CCR4: variants seen among roughly 807,000 people sequenced by gnomAD.
CCR4 encodes C-C chemokine receptor type 4.
A neutral mutation model predicts 17.1 loss-of-function variants in CCR4; 9 were observed. The observed-to-expected ratio is 0.53, with a 90% CI of 0.32 to 0.92. The LOEUF (loss-of-function observed/expected upper bound fraction) is 0.92, where lower values mean the gene tolerates loss of function less well. CCR4 is among the 40% of genes least tolerant of loss of function. CCR4 has a pLI of 0.04. For synonymous variants in CCR4, 217 were observed against 174.3 expected (o/e 1.24, Z -1.93); for missense variants, 385 against 433.9 (o/e 0.89, Z 1.00).
rs550174867 is a variant in CCR4 at position 32,955,611 on chromosome 3, T to G, written c.*1106T>G. The G allele has an allele frequency of 6.1e-5, 9 of 147,698 alleles. No homozygotes were observed. The East Asian group carries it at 1.3e-3, about 21-fold the overall frequency. The allele number at this position is 147,698 out of a possible 1,614,324, so 9.1% of individuals were successfully genotyped here. ...ATTTGAGGTCATTTACTTGTTTTTT[T>G]TTTTTTTTTTTTTTTTGAGATGGAA... On this transcript the variant is annotated 3_prime_UTR_variant, in exon 2 of 2. Transcript: ENST00000330953.
Position 32,953,387 on chromosome 3 carries a change from C to T in CCR4, c.-36C>T, listed in dbSNP as rs1697699999. On this transcript the variant is annotated 5_prime_UTR_variant, in exon 2 of 2. Transcript: ENST00000330953. ...CCCTCATTAGCTGCTTCTGGTTGGG[C>T]CCAGACCTGCCTTGAGGAGCCTGTA... The T allele has an allele frequency of 1.3e-6, 2 of 1,554,706 alleles. No individual in the cohort carries two copies. Among genetic ancestry groups the T allele is most frequent in the Non-Finnish European group, 1.7e-6 (2 of 1,155,210 alleles).
In CCR4 at chr3:32,954,512, G is replaced by A. The variant is rs1243731041; in HGVS notation, c.*7G>A. 2 of 1,513,824 alleles carry A rather than the reference G, an allele frequency of 1.3e-6. No individual in the cohort carries two copies. The highest frequency in any genetic ancestry group is 1.8e-6 in the Non-Finnish European group (2 of 1,133,920). 93.8% of individuals were successfully genotyped at this position (1,513,824 alleles called of 1,614,324 possible). On this transcript the variant is annotated 3_prime_UTR_variant, in exon 2 of 2. Coordinates refer to ENST00000330953, the MANE Select transcript of CCR4 (RefSeq NM_005508.5). Reference sequence around the variant, plus strand: ...TCTCCATGATGCTCTGTAGAAAAATGAAATGGTGAAATGCAGAGTCAATGA... The same window carrying A: ...TCTCCATGATGCTCTGTAGAAAAATAAAATGGTGAAATGCAGAGTCAATGA...
chr3:32,954,133 G>A lies in CCR4; in HGVS notation c.711G>A (p.Lys237=), dbSNP rs773249231. 6.2e-7 allele frequency: 1 copy of A among 1,614,010 alleles called. No individual in the cohort carries two copies. The highest frequency in any genetic ancestry group is 1.3e-5 in the African/African-American group (1 of 74,900). The change falls in exon 2 of 2, where the codon AAG becomes AAA. Residue 237 remains lysine, a synonymous_variant. Transcript: ENST00000330953. ...TGCAGCATTGTAAAAATGAGAAGAA[G>A]AACAAGGCGGTGAAGATGATCTTTG... ...RTLQHCKNEK[K]NKAVKMIFAV... is the part of the protein sequence containing the mutation.
rs1347194508 is a variant in CCR4 at position 32,953,987 on chromosome 3, A to T, written c.565A>T (p.Thr189Ser). Residue 189 changes from threonine to serine, a missense_variant, in exon 2 of 2, where the codon ACC becomes TCC. Transcript: ENST00000330953. ...TGAGCGCAACCATACCTACTGCAAA[A>T]CCAAGTACTCTCTCAACTCCACGAC... Reference protein sequence around the residue: ...YTERNHTYCKTKYSLNSTTWK... With the variant: ...YTERNHTYCKSKYSLNSTTWK... 1 of 1,613,920 alleles carries T rather than the reference A, an allele frequency of 6.2e-7. No homozygotes were observed. Among genetic ancestry groups the T allele is most frequent in the South Asian group, 1.1e-5 (1 of 91,056 alleles).
chr3:32,952,481 G>T (rs868678114), intron 1 of CCR4, among the ~76,000 whole-genome samples: 1 of 152,102 alleles, frequency 6.6e-6, no homozygotes, highest in Non-Finnish European at 1.5e-5. Flanking sequence ...CTGGCATGGA[G>T]CTCCTTGGCT....
Position 32,954,181 on chromosome 3 carries a change from G to C in CCR4, c.759G>C (p.Gly253=). The change falls in exon 2 of 2, where the codon GGG becomes GGC. Residue 253 remains glycine (G), a synonymous_variant. Transcript: ENST00000330953. ...TTGCCGTGGTGGTCCTCTTCCTTGG[G>C]TTCTGGACACCTTACAACATAGTGC... ...MIFAVVVLFL[G]FWTPYNIVLF... is the part of the protein sequence containing the mutation. The C allele has an allele frequency of 6.2e-7, 1 of 1,614,100 alleles. No homozygotes were observed. Among genetic ancestry groups the C allele is most frequent in the Non-Finnish European group, 8.5e-7 (1 of 1,180,014 alleles).
Position 32,953,499 on chromosome 3 carries a change from C to G in CCR4, c.77C>G (p.Pro26Arg), listed in dbSNP as rs754875665. 1.2e-6 allele frequency: 2 copies of G among 1,614,074 alleles called. No homozygotes were observed. The highest frequency in any genetic ancestry group is 1.7e-6 in the Non-Finnish European group (2 of 1,180,006). The change falls in exon 2 of 2, where the codon CCC (proline) becomes CGC (arginine). Residue 26 changes from proline (P) to arginine (R), a missense_variant. By Grantham distance (103) the Pro-to-Arg change is moderately radical. Transcript: ENST00000330953. ...YSNYYLYESIPKPCTKEGIKA... is the reference protein window; with the variant it reads ...YSNYYLYESIRKPCTKEGIKA... ...AATTACTATCTGTATGAAAGTATCC[C>G]CAAGCCTTGCACCAAAGAAGGCATC...
Position 32,954,154 on chromosome 3 carries a change from C to T in CCR4, c.732C>T (p.Ile244=). The T allele has an allele frequency of 1.2e-6, 2 of 1,614,148 alleles. No individual in the cohort carries two copies. Among genetic ancestry groups the T allele is most frequent in the East Asian group, 2.2e-5 (1 of 44,872 alleles). ...AGAAGAACAAGGCGGTGAAGATGAT[C>T]TTTGCCGTGGTGGTCCTCTTCCTTG... ...NEKKNKAVKM[I]FAVVVLFLGF... is the part of the protein sequence containing the mutation. Residue 244 remains isoleucine, a synonymous_variant, in exon 2 of 2, where the codon ATC becomes ATT. Coordinates refer to ENST00000330953, the MANE Select transcript of CCR4 (RefSeq NM_005508.5).
rs1314732794 is a variant in CCR4 at position 32,954,705 on chromosome 3, AG to A, written c.*202del. The A allele has an allele frequency of 1.9e-6, 1 of 539,448 alleles. No individual in the cohort carries two copies. The highest frequency in any genetic ancestry group is 1.9e-5 in the African/African-American group (1 of 51,902). 33.4% of individuals were successfully genotyped at this position (539,448 alleles called of 1,614,324 possible). A position where few individuals can be genotyped will look rare whatever the true frequency, so the allele number is the denominator to read the frequency against. ...GCCTGGCAAGGGTTCACCTGGGCTG[AG>A]GCATCCTTCCTCACACCAGGCTTGC... is the stretch of plus-strand genomic sequence containing the variant. On this transcript the variant is annotated 3_prime_UTR_variant, in exon 2 of 2. Coordinates refer to ENST00000330953, the MANE Select transcript of CCR4 (RefSeq NM_005508.5).
rs1486193227 is a variant in CCR4 at position 32,955,362 on chromosome 3, C to A, written c.*857C>A. On this transcript the variant is annotated 3_prime_UTR_variant, in exon 2 of 2. Coordinates refer to ENST00000330953, the MANE Select transcript of CCR4 (RefSeq NM_005508.5). ...GACCAGCCTGGCCAACATGGAGAAACCCTGTCTCTACTAAAAAATACAAAA... is the reference window on the plus strand; with the variant it reads ...GACCAGCCTGGCCAACATGGAGAAAACCTGTCTCTACTAAAAAATACAAAA... The A allele has an allele frequency of 6.0e-6, 1 of 166,320 alleles. No homozygotes were observed. The allele number at this position is 166,320 out of a possible 1,614,324, so 10.3% of individuals were successfully genotyped here. A position where few individuals can be genotyped will look rare whatever the true frequency, so the allele number is the denominator to read the frequency against.
At position 32,955,909 on chromosome 3, in the gene CCR4, A is replaced by G. The variant is rs1221103018; in HGVS notation, c.*1404A>G. 2 of 151,134 alleles carry G rather than the reference A, an allele frequency of 1.3e-5. No homozygotes were observed. The highest frequency in any genetic ancestry group is 2.0e-4 in the East Asian group (1 of 5,096). 9.4% of individuals were successfully genotyped at this position (151,134 alleles called of 1,614,324 possible). On this transcript the variant is annotated 3_prime_UTR_variant, in exon 2 of 2. Transcript: ENST00000330953. The stretch of plus-strand genomic sequence containing the variant: ...CAGGTGTGAGCCATCACGCCCGGCC[A>G]CTTGTTTATTTTTTATTTTATTTTA...
In CCR4 at chr3:32,954,176, C is replaced by T. The variant is rs764347045; in HGVS notation, c.754C>T (p.Leu252Phe). The change falls in exon 2 of 2, where the codon CTT (leucine) becomes TTT (phenylalanine). Residue 252 changes from leucine (L) to phenylalanine (F), a missense_variant. Coordinates refer to ENST00000330953, the MANE Select transcript of CCR4 (RefSeq NM_005508.5). ...KMIFAVVVLF[L>F]GFWTPYNIVL... is the part of the protein sequence containing the mutation. ...GATCTTTGCCGTGGTGGTCCTCTTC[C>T]TTGGGTTCTGGACACCTTACAACAT... 3 of 1,614,084 alleles carry T rather than the reference C, an allele frequency of 1.9e-6. No homozygotes were observed. The South Asian group carries it at 3.3e-5, about 18-fold the overall frequency.
In CCR4 at chr3:32,954,782, G is replaced by A; in HGVS notation, c.*277G>A. On this transcript the variant is annotated 3_prime_UTR_variant, in exon 2 of 2. Coordinates refer to ENST00000330953, the MANE Select transcript of CCR4 (RefSeq NM_005508.5). ...GAACTCTGAGCAGTGCTTGAATGAAGTTGTAGGTAATATTGCAAGGCAAAG... is the reference window on the plus strand; with the variant it reads ...GAACTCTGAGCAGTGCTTGAATGAAATTGTAGGTAATATTGCAAGGCAAAG... 1 of 358,034 alleles carries A rather than the reference G, an allele frequency of 2.8e-6. No individual in the cohort carries two copies. The highest frequency in any genetic ancestry group is 5.3e-6 in the Non-Finnish European group (1 of 189,770). 22.2% of individuals were successfully genotyped at this position (358,034 alleles called of 1,614,324 possible). A position where few individuals can be genotyped will look rare whatever the true frequency, so the allele number is the denominator to read the frequency against.
chr3:32,953,647 T>C lies in CCR4; in HGVS notation c.225T>C (p.Asp75=), dbSNP rs1370854529. The C allele has an allele frequency of 2.5e-6, 4 of 1,614,118 alleles. No individual in the cohort carries two copies. The highest frequency in any genetic ancestry group is 3.4e-6 in the Non-Finnish European group (4 of 1,180,032). ...FKYKRLRSMT[D]VYLLNLAISD... is the part of the protein sequence containing the mutation. ...ACAAGCGGCTCAGGTCCATGACTGA[T>C]GTGTACCTGCTCAACCTTGCCATCT... Residue 75 remains aspartate (D), a synonymous_variant, in exon 2 of 2, where the codon GAT becomes GAC. Coordinates refer to ENST00000330953, the MANE Select transcript of CCR4 (RefSeq NM_005508.5).
Position 32,953,511 on chromosome 3 carries a change from C to T in CCR4, c.89C>T (p.Thr30Ile). The change falls in exon 2 of 2, where the codon ACC becomes ATC. Residue 30 changes from threonine (T) to isoleucine (I), a missense_variant. Physicochemically the swap from Thr to Ile is moderately conservative, Grantham distance 89. Transcript: ENST00000330953. ...YLYESIPKPC[T>I]KEGIKAFGEL... The stretch of plus-strand genomic sequence containing the variant: ...TATGAAAGTATCCCCAAGCCTTGCA[C>T]CAAAGAAGGCATCAAGGCATTTGGG... 9 of 1,614,088 alleles carry T rather than the reference C, an allele frequency of 5.6e-6. No homozygotes were observed. Among genetic ancestry groups the T allele is most frequent in the South Asian group, 1.1e-5 (1 of 91,078 alleles).
Position 32,953,397 on chromosome 3 carries a change from C to T in CCR4, c.-26C>T, listed in dbSNP as rs369540797. ...CTGCTTCTGGTTGGGCCCAGACCTG[C>T]CTTGAGGAGCCTGTAGAGTTAAAAA... On this transcript the variant is annotated 5_prime_UTR_variant, in exon 2 of 2. Transcript: ENST00000330953. The T allele has an allele frequency of 6.4e-7, 1 of 1,568,438 alleles. No individual in the cohort carries two copies. The highest frequency in any genetic ancestry group is 8.6e-7 in the Non-Finnish European group (1 of 1,160,450).
chr3:32,952,601 T>G (rs943575038), intron 1 of CCR4, among the ~76,000 whole-genome samples: 9 of 151,998 alleles, frequency 5.9e-5, no homozygotes, highest in Non-Finnish European at 1.3e-4. Context: ...GGGCATTGGG[T>G]GTGTGGTGGT....
rs1338284438 is a variant in CCR4, at chr3:32,954,696, C to T, written c.*191C>T. 7.8e-5 allele frequency: 45 copies of T among 579,592 alleles called. No homozygotes were observed. Among genetic ancestry groups the T allele is most frequent in the Non-Finnish European group, 2.9e-6 (1 of 344,354 alleles). 35.9% of individuals were successfully genotyped at this position (579,592 alleles called of 1,614,324 possible). On this transcript the variant is annotated 3_prime_UTR_variant, in exon 2 of 2. Coordinates refer to ENST00000330953, the MANE Select transcript of CCR4 (RefSeq NM_005508.5). ...ACAAGTCCAGCCTGGCAAGGGTTCACCTGGGCTGAGGCATCCTTCCTCACA... is the reference window on the plus strand; with the variant it reads ...ACAAGTCCAGCCTGGCAAGGGTTCATCTGGGCTGAGGCATCCTTCCTCACA...
At chr3:32,953,196 CA>C (rs1697697231) in intron 1 of CCR4, among the ~76,000 whole-genome samples, 175 bp from the exon 2 acceptor site, 1 of 152,140 alleles carries the variant, frequency 6.6e-6, no homozygotes, top group Admixed American at 6.5e-5. Flanking sequence ...TTTCTGCCTC[CA>C]AAGCCCAAAA....
Sources: allele counts gnomAD v4.1 joint callset (sites outside exome capture counted in the v4.1 genomes callset), GRCh38; gene constraint gnomAD v4.1.1; transcripts MANE v1.5; gene names NCBI Gene and HGNC (gene_info 2026-07-23, HGNC 2026-07-21).